The following FOCAD variants were observed in gnomAD, a reference collection of about 807,000 sequenced individuals.
The protein encoded by FOCAD is focadhesin.
FOCAD carries 198 observed loss-of-function variants against 225.6 expected under a neutral mutation model. That is an observed-to-expected ratio of 0.88 (90% confidence interval 0.78 to 0.99). FOCAD has a LOEUF of 0.99. Ranked by LOEUF, FOCAD falls within the 50% of genes least tolerant of loss-of-function variation. The pLI, the probability that FOCAD is intolerant of heterozygous loss-of-function variation, is 0.00. For synonymous variants in FOCAD, 897 were observed against 755.0 expected, an observed-to-expected ratio of 1.19 and a Z score of -3.08; for missense variants, 2,713 against 2,123.6, an observed-to-expected ratio of 1.28 and a Z score of -5.46.
At chr9:20,836,133 G>A (rs775175750) in intron 15 of FOCAD, among the ~76,000 whole-genome samples, 12 of 152,092 alleles carry the variant, frequency 7.9e-5, no homozygotes, top group Non-Finnish European at 1.3e-4. Context: ...TATGGGGTGG[G>A]AATGATTTTC....
intron 35 of FOCAD, among the ~76,000 whole-genome samples, chr9:20,970,895 A>G (rs1316448694): frequency 2.6e-5 from 4 of 152,216 alleles, no homozygotes; most frequent in Admixed American, 6.5e-5. Context: ...TTAATGTCAC[A>G]TTAAACATTA....
intron 2 of FOCAD, among the ~76,000 whole-genome samples, chr9:20,663,037 A>G (rs1258938499): frequency 6.6e-6 from 1 of 152,198 alleles, no homozygotes; most frequent in Non-Finnish European, 1.5e-5. Context: ...TAAACAAACT[A>G]TAAAACAAAA....
At chr9:20,746,721 A>G (rs1190017413) in intron 5 of FOCAD, among the ~76,000 whole-genome samples, 5 of 152,198 alleles carry the variant, frequency 3.3e-5, no homozygotes, top group Non-Finnish European at 2.9e-5. Context: ...AATACTTTTT[A>G]TAACATACAG....
At chr9:20,811,110 A>G (rs1823017542) in intron 11 of FOCAD, among the ~76,000 whole-genome samples, 1 of 152,040 alleles carries the variant, frequency 6.6e-6, no homozygotes, top group Non-Finnish European at 1.5e-5. Flanking sequence ...TTATTATAAG[A>G]TCCATTTGCT....
chr9:20,986,947 T>C (rs1456973111), intron 40 of FOCAD, among the ~76,000 whole-genome samples: 2 of 152,236 alleles, frequency 1.3e-5, no homozygotes, highest in Non-Finnish European at 2.9e-5. Context: ...GAAGCTCTGC[T>C]AATGAATCAC....
chr9:20,719,424 G>A (rs1421445813), intron 3 of FOCAD, among the ~76,000 whole-genome samples: 4 of 151,996 alleles, frequency 2.6e-5, no homozygotes, highest in African/African-American at 7.3e-5. Context: ...TTTGGGAGCC[G>A]GGATATTAAT....
At chr9:20,668,189 G>T (rs1190508149) in intron 2 of FOCAD, among the ~76,000 whole-genome samples, 1 of 151,940 alleles carries the variant, frequency 6.6e-6, no homozygotes, top group Non-Finnish European at 1.5e-5. Flanking sequence ...ATTTCCCTTT[G>T]TTTTCCTCTA....
At chr9:20,928,731 A>ACGGGGAAAC (rs1405547707) in intron 26 of FOCAD, among the ~76,000 whole-genome samples, 2 of 152,108 alleles carry the variant, frequency 1.3e-5, no homozygotes, top group African/African-American at 4.8e-5. Flanking sequence ...TTGCTTTGTA[A>ACGGGGAAAC]CCAAAGGCTT....
At chr9:20,886,759 A>C (rs1371776339) in intron 21 of FOCAD, among the ~76,000 whole-genome samples, 1 of 152,232 alleles carries the variant, frequency 6.6e-6, no homozygotes, top group African/African-American at 2.4e-5. Flanking sequence ...TGCTCAGTAT[A>C]TGTAGTTCAT....
intron 9 of FOCAD, among the ~76,000 whole-genome samples, chr9:20,780,931 C>G (rs1819297413): frequency 6.6e-6 from 1 of 152,164 alleles, no homozygotes; most frequent in Non-Finnish European, 1.5e-5. Context: ...AAATAGAATG[C>G]TGACAACTCA....
chr9:20,795,880 C>T (rs1046508627), intron 11 of FOCAD, among the ~76,000 whole-genome samples: 19 of 149,636 alleles, frequency 1.3e-4, no homozygotes, highest in African/African-American at 3.0e-4. Flanking sequence ...ATGTGCACAA[C>T]GTATACAGGT....
intron 15 of FOCAD, among the ~76,000 whole-genome samples, chr9:20,827,603 A>G (rs1825038812): frequency 6.6e-6 from 1 of 151,806 alleles, no homozygotes; most frequent in South Asian, 2.1e-4. Context: ...AGATGAACCT[A>G]GATGCCATTC....
chr9:20,761,754 G>GT (rs1011524453), intron 6 of FOCAD, among the ~76,000 whole-genome samples: 9 of 151,818 alleles, frequency 5.9e-5, no homozygotes, highest in Admixed American at 3.9e-4. Context: ...CTCTAGGTCT[G>GT]TTTTTTTTAG....
At chr9:20,916,757 C>A in intron 23 of FOCAD, 136 bp from the exon 24 acceptor site, 1 of 758,108 alleles carries the variant, frequency 1.3e-6, no homozygotes, top group South Asian at 1.8e-5. Context: ...GTTCTTTCAC[C>A]TTATACTGAA....
intron 1 of FOCAD, among the ~76,000 whole-genome samples, chr9:20,701,953 A>T (rs927223415): frequency 6.6e-6 from 1 of 152,222 alleles, no homozygotes; most frequent in Non-Finnish European, 1.5e-5. Context: ...GAGATGCAGC[A>T]AAATATAATG....
chr9:20,660,567 C>G lies in FOCAD; in HGVS notation c.-78+1741C>G, dbSNP rs565372039. Among the ~76,000 whole-genome samples, 12 of 152,094 alleles carry G rather than the reference C, an allele frequency of 7.9e-5. No individual in the cohort carries two copies. In the East Asian group the frequency reaches 1.7e-3, roughly 22 times the overall value. On this transcript the variant is annotated intron_variant, in intron 2 of 45. Coordinates refer to the FOCAD transcript ENST00000380249. ...TATAAAATCTGAGGACATTTCAATA[C>G]CAATATGTAGAGATCAGCAGAAAAA...
intron 40 of FOCAD, 62 bp from the exon 41 acceptor site, chr9:20,988,270 G>T: frequency 9.9e-7 from 1 of 1,006,360 alleles, no homozygotes; most frequent in Non-Finnish European, 1.5e-6. Flanking sequence ...GGTTGTTACT[G>T]ATCTGTTTTA....
chr9:20,688,185 G>T (rs1298880028), intron 1 of FOCAD, among the ~76,000 whole-genome samples: 2 of 152,214 alleles, frequency 1.3e-5, no homozygotes, highest in East Asian at 3.8e-4. Context: ...TTAAGTGGAA[G>T]AAAGTTAACA....
chr9:20,702,389 C>CCA (rs772452029), intron 1 of FOCAD, among the ~76,000 whole-genome samples: 1 of 152,172 alleles, frequency 6.6e-6, no homozygotes, highest in Non-Finnish European at 1.5e-5. Flanking sequence ...CAGGCATGAG[C>CCA]CACCGGCTGC....
Sources: allele counts gnomAD v4.1 joint callset (sites outside exome capture counted in the v4.1 genomes callset), GRCh38; gene constraint gnomAD v4.1.1; transcripts MANE v1.5; gene names NCBI Gene and HGNC (gene_info 2026-07-23, HGNC 2026-07-21).